Variants in KLHL28 observed in about 807,000 individuals in gnomAD.
The protein encoded by KLHL28 is kelch-like protein 28.
A neutral mutation model predicts 48.3 loss-of-function variants in KLHL28; 22 were observed. The ratio of observed to expected loss-of-function variants is 0.46; its 90% CI spans 0.33 to 0.65. The LOEUF is 0.65. Among genes scored for constraint, KLHL28 ranks in the 30% least tolerant of loss-of-function variants. KLHL28 has a pLI of 0.03. For missense variants in KLHL28, 527 were observed against 704.3 expected (o/e 0.75, Z 2.85); for synonymous variants, 243 against 242.4 (o/e 1.00, Z -0.02).
intron 1 of KLHL28, chr14:44,960,886 C>T: frequency 6.5e-7 from 1 of 1,526,848 alleles, no homozygotes. Context: ...AGAAATCCCA[C>T]CTGGTACAGA....
intron 2 of KLHL28, among the ~76,000 whole-genome samples, chr14:44,936,160 G>A: frequency 6.6e-6 from 1 of 151,814 alleles, no homozygotes; most frequent in Non-Finnish European, 1.5e-5. Context: ...AGTGAAAACA[G>A]GGGGTATAAC....
In KLHL28 at chr14:44,929,088, C is replaced by T. The variant is rs370752491; in HGVS notation, c.1656G>A (p.Thr552=). The change falls in exon 5 of 5, where the codon ACG becomes ACA. Residue 552 remains threonine (T), a synonymous_variant. Transcript: ENST00000396128. ...TVQKYDPISD[T]WLDSAGMIYC... ...ATATCATGCCAGCTGAATCCAGCCACGTATCTGAGATAGGATCATATTTCT... is the reference window on the plus strand; with the variant it reads ...ATATCATGCCAGCTGAATCCAGCCATGTATCTGAGATAGGATCATATTTCT... 2.2e-5 allele frequency: 36 copies of T among 1,613,774 alleles called. No individual in the cohort carries two copies. The highest frequency in any genetic ancestry group is 1.5e-4 in the African/African-American group (11 of 74,844).
rs1883380486 is a variant in KLHL28, at chr14:44,926,614, CT to C, written c.*2413del. 6.6e-6 allele frequency: 1 copy of C among 151,814 alleles called. No individual in the cohort carries two copies. Among genetic ancestry groups the C allele is most frequent in the African/African-American group, 2.4e-5 (1 of 41,246 alleles). The allele number at this position is 151,814 out of a possible 1,614,324, so 9.4% of individuals were successfully genotyped here. A position where few individuals can be genotyped will look rare whatever the true frequency, so the allele number is the denominator to read the frequency against. On this transcript the variant is annotated 3_prime_UTR_variant, in exon 5 of 5. Transcript: ENST00000396128. ...CTCTGCCTCCTGGGTTCAAGTGATT[CT>C]CCTGCCTCAGCCTCCCAAGTAGCTG...
intron 2 of KLHL28, among the ~76,000 whole-genome samples, chr14:44,937,046 C>T (rs1299613950): frequency 1.3e-5 from 2 of 149,454 alleles, no homozygotes; most frequent in South Asian, 2.1e-4. Context: ...AGGCTGGCAT[C>T]TGAAGTAGGA....
chr14:44,945,719 T>C lies in KLHL28; in HGVS notation c.210A>G (p.Glu70=), dbSNP rs1884304625. Residue 70 remains glutamate (E), a synonymous_variant, in exon 2 of 5, where the codon GAA becomes GAG. Transcript: ENST00000396128. ...FKAMFTGNLS[E]KENSEVEFQC... is the part of the protein sequence containing the mutation. ...GAAACTCAACCTCACTGTTCTCTTT[T>C]TCAGAAAGGTTTCCAGTGAACATAG... 6.2e-7 allele frequency: 1 copy of C among 1,614,160 alleles called. No individual in the cohort carries two copies. Among genetic ancestry groups the C allele is most frequent in the East Asian group, 2.2e-5 (1 of 44,882 alleles).
chr14:44,961,095 G>A (rs1355274766), intron 1 of KLHL28: 2 of 427,676 alleles, frequency 4.7e-6, no homozygotes, highest in South Asian at 5.3e-5. Context: ...TCACTTATGA[G>A]GAGAAAATGC....
rs570946763 is a variant in KLHL28 at position 44,959,956 on chromosome 14, T to G, written c.-1+1890A>C. ...GCTTCGTAATAAAAAGAATACACACTCAATGAATGAGATTTATGTTCCACA... is the reference window on the plus strand; with the variant it reads ...GCTTCGTAATAAAAAGAATACACACGCAATGAATGAGATTTATGTTCCACA... On this transcript the variant is annotated intron_variant, in intron 1 of 4. Transcript: ENST00000396128. 8.5e-5 allele frequency among the ~76,000 whole-genome samples: 13 copies of G among 152,252 alleles called. No homozygotes were observed. The South Asian group carries it at 2.5e-3, about 29-fold the overall frequency.
In KLHL28 at chr14:44,928,684, T is replaced by TAA. The variant is rs397968833; in HGVS notation, c.*342_*343dup. On this transcript the variant is annotated 3_prime_UTR_variant, in exon 5 of 5. Coordinates refer to ENST00000396128, the MANE Select transcript of KLHL28 (RefSeq NM_017658.5). ...GGTTATCAGGGAAGGAGAGCTAAAA[T>TAA]AAAAAAAAAAAAAAAAAAAAAGCAG... 62 of 78,122 alleles carry TAA rather than the reference T, an allele frequency of 7.9e-4. No homozygotes were observed. Among genetic ancestry groups the TAA allele is most frequent in the South Asian group, 1.7e-3 (4 of 2,296 alleles). The allele number at this position is 78,122 out of a possible 1,614,324, so 4.8% of individuals were successfully genotyped here. A position where few individuals can be genotyped will look rare whatever the true frequency, so the allele number is the denominator to read the frequency against.
chr14:44,929,645 T>C (rs1219411660), intron 4 of KLHL28, among the ~76,000 whole-genome samples: 1 of 152,112 alleles, frequency 6.6e-6, no homozygotes, highest in African/African-American at 2.4e-5. Context: ...CCTGTGGGTA[T>C]GGGGGGCCTA....
Position 44,934,520 on chromosome 14 carries a change from C to G in KLHL28, c.938G>C (p.Gly313Ala). ...GCGAGGAATGTTTAGGGGTGCCAAA[C>G]CAATCCAAGAGTCATTCTGAGGAAA... ...MYFPQNDSWIGLAPLNIPRYE... is the reference protein window; with the variant it reads ...MYFPQNDSWIALAPLNIPRYE... The change falls in exon 3 of 5, where the codon GGT becomes GCT. Residue 313 changes from glycine (G) to alanine (A), a missense_variant. Gly to Ala is a moderately conservative substitution (Grantham distance 60). Coordinates refer to ENST00000396128, the MANE Select transcript of KLHL28 (RefSeq NM_017658.5). The G allele has an allele frequency of 6.2e-7, 1 of 1,608,364 alleles. No homozygotes were observed. Among genetic ancestry groups the G allele is most frequent in the Non-Finnish European group, 8.5e-7 (1 of 1,177,158 alleles).
In KLHL28 at chr14:44,925,046, A is replaced by C. The variant is rs978831639; in HGVS notation, c.*3982T>G. On this transcript the variant is annotated 3_prime_UTR_variant, in exon 5 of 5. Transcript: ENST00000396128. ...CCAGCCATGGAATAATTGTTATCTA[A>C]TTAAATCATGTCTAATTAAAGTGCT... The C allele has an allele frequency of 3.7e-4, 57 of 152,616 alleles. No homozygotes were observed. The highest frequency in any genetic ancestry group is 1.4e-3 in the African/African-American group (56 of 41,468). The allele number at this position is 152,616 out of a possible 1,614,324, so 9.5% of individuals were successfully genotyped here.
At position 44,926,506 on chromosome 14, in the gene KLHL28, A is replaced by C. The variant is rs1883375703; in HGVS notation, c.*2522T>G. On this transcript the variant is annotated 3_prime_UTR_variant, in exon 5 of 5. Transcript: ENST00000396128. The stretch of plus-strand genomic sequence containing the variant: ...TATAGAATAGATGTGTTTATAATTA[A>C]AATCTTTTTTTTTTTTTGAGGTGGA... 1 of 152,294 alleles carries C rather than the reference A, an allele frequency of 6.6e-6. No homozygotes were observed. The highest frequency in any genetic ancestry group is 1.5e-5 in the Non-Finnish European group (1 of 68,208). 9.4% of individuals were successfully genotyped at this position (152,294 alleles called of 1,614,324 possible). A position where few individuals can be genotyped will look rare whatever the true frequency, so the allele number is the denominator to read the frequency against.
intron 1 of KLHL28, among the ~76,000 whole-genome samples, chr14:44,954,118 T>C (rs1294947573): frequency 3.9e-5 from 6 of 152,312 alleles, no homozygotes; most frequent in African/African-American, 1.4e-4. Flanking sequence ...TTAACAATTC[T>C]CTCTTGACAG....
chr14:44,930,400 C>A (rs761724399), intron 4 of KLHL28, among the ~76,000 whole-genome samples: 2 of 151,978 alleles, frequency 1.3e-5, no homozygotes, highest in Admixed American at 1.3e-4. Flanking sequence ...GAGTAGCTGA[C>A]ACTACAGGCA....
At chr14:44,948,317 G>C (rs1157839989) in intron 1 of KLHL28, among the ~76,000 whole-genome samples, 1 of 152,058 alleles carries the variant, frequency 6.6e-6, no homozygotes, top group Non-Finnish European at 1.5e-5. Context: ...TAAACTGTAA[G>C]TGATATTGTA....
chr14:44,936,983 T>C (rs995181302), intron 2 of KLHL28, among the ~76,000 whole-genome samples: 1 of 151,536 alleles, frequency 6.6e-6, no homozygotes, highest in Admixed American at 6.6e-5. Context: ...TGTCAAAGAG[T>C]GGAATGTGTG....
At chr14:44,936,724 T>C (rs1883838500) in intron 2 of KLHL28, among the ~76,000 whole-genome samples, 1 of 152,098 alleles carries the variant, frequency 6.6e-6, no homozygotes, top group Non-Finnish European at 1.5e-5. Flanking sequence ...AAGTGGAGAA[T>C]TGAATTTAAC....
intron 2 of KLHL28, among the ~76,000 whole-genome samples, chr14:44,939,667 T>C (rs1259227605): frequency 1.3e-5 from 2 of 152,190 alleles, no homozygotes; most frequent in African/African-American, 2.4e-5. Flanking sequence ...AGTTTCTGCT[T>C]GAGACCTCAT....
intron 4 of KLHL28, 121 bp downstream of exon 4, chr14:44,931,209 CTTT>C (rs544684169): frequency 1.0e-3 from 499 of 475,430 alleles, no homozygotes; most frequent in Middle Eastern, 1.7e-3. Context: ...ACATACAAGT[CTTT>C]TTTTTTTTTT....
Sources: allele counts gnomAD v4.1 joint callset (sites outside exome capture counted in the v4.1 genomes callset), GRCh38; gene constraint gnomAD v4.1.1; transcripts MANE v1.5; gene names NCBI Gene and HGNC (gene_info 2026-07-23, HGNC 2026-07-21).